NUP43: variants seen among roughly 807,000 people sequenced by gnomAD.
NUP43 encodes the protein nucleoporin Nup43.
A neutral mutation model predicts 47.3 loss-of-function variants in NUP43; 32 were observed. The ratio of observed to expected loss-of-function variants is 0.68; its 90% CI spans 0.51 to 0.91. NUP43 has a LOEUF of 0.91. Ranked by LOEUF, NUP43 falls within the 40% of genes least tolerant of loss-of-function variation. The probability of loss-of-function intolerance (pLI) is 0.00; values close to 1 mark genes in which losing one functional copy is unlikely to be tolerated. For missense variants in NUP43, 444 were observed against 453.9 expected (o/e 0.98, Z 0.20); for synonymous variants, 147 against 158.4 (o/e 0.93, Z 0.54).
In NUP43 at chr6:149,743,834, T is replaced by A. The variant is rs867822251; in HGVS notation, c.244-119A>T. On this transcript the variant is annotated intron_variant, in intron 2 of 7. Coordinates refer to ENST00000340413, the MANE Select transcript of NUP43 (RefSeq NM_198887.3). ...AACAATTTTAAAAAGCAAAGAGCCATGAGTGCTAAGGAAATAAAATGTGTT... is the reference window on the plus strand; with the variant it reads ...AACAATTTTAAAAAGCAAAGAGCCAAGAGTGCTAAGGAAATAAAATGTGTT... The A allele has an allele frequency of 1.5e-5, 9 of 602,990 alleles. No homozygotes were observed. The East Asian group carries it at 2.3e-4, about 15-fold the overall frequency. 37.4% of individuals were successfully genotyped at this position (602,990 alleles called of 1,614,324 possible).
intron 6 of NUP43, among the ~76,000 whole-genome samples, chr6:149,735,464 G>A (rs534906019): frequency 3.3e-5 from 5 of 151,762 alleles, no homozygotes; most frequent in African/African-American, 1.2e-4. Flanking sequence ...AAGTACATAA[G>A]GCTGGGCATG....
chr6:149,743,346 TC>T (rs1785769902), intron 3 of NUP43, among the ~76,000 whole-genome samples: 1 of 152,100 alleles, frequency 6.6e-6, no homozygotes, highest in African/African-American at 2.4e-5. Context: ...ACACCTGTAA[TC>T]CCAGCACTTT....
chr6:149,748,074 G>C (rs958977462), upstream of NUP43, among the ~76,000 whole-genome samples: 2 of 152,228 alleles, frequency 1.3e-5, no homozygotes, highest in Non-Finnish European at 2.9e-5. Context: ...CCAGCACTTT[G>C]GGAGGCCAAG....
intron 3 of NUP43, among the ~76,000 whole-genome samples, chr6:149,743,157 CAGAG>C (rs1013816895): frequency 2.0e-5 from 3 of 148,056 alleles, no homozygotes; most frequent in Admixed American, 6.8e-5. Flanking sequence ...GCCTGGGTGA[CAGAG>C]AGAGACTCTG....
chr6:149,727,787 A>C (rs1458822602), intron 7 of NUP43: 7 of 983,920 alleles, frequency 7.1e-6, no homozygotes, highest in Non-Finnish European at 8.4e-6. Flanking sequence ...TTTTATCTCT[A>C]ACAGCGCACT....
chr6:149,747,450 ATTTT>A (rs774011395), upstream of NUP43, among the ~76,000 whole-genome samples: 3 of 136,456 alleles, frequency 2.2e-5, no homozygotes, highest in Non-Finnish European at 1.6e-5. Context: ...TGCCTGGCTA[ATTTT>A]TTTTTTTTTT....
In NUP43 at chr6:149,746,044, A is replaced by G; in HGVS notation, c.139T>C (p.Trp47Arg). 6.2e-7 allele frequency: 1 copy of G among 1,613,472 alleles called. No homozygotes were observed. The highest frequency in any genetic ancestry group is 8.5e-7 in the Non-Finnish European group (1 of 1,179,844). The change falls in exon 2 of 8, where the codon TGG becomes CGG. Residue 47 changes from tryptophan (W) to arginine (R), a missense_variant. Trp to Arg is a moderately radical substitution (Grantham distance 101). Transcript: ENST00000340413. ...WDNEENYISLWSIGDFGNLDS... is the reference protein window; with the variant it reads ...WDNEENYISLRSIGDFGNLDS... ...AAGTTTCCAAAATCTCCAATAGACC[A>G]CAGTGAAATATAATTTTCCTGTAAA... is the stretch of plus-strand genomic sequence containing the variant.
At chr6:149,745,886 A>T in intron 2 of NUP43, 54 bp downstream of exon 2, 1 of 1,502,686 alleles carries the variant, frequency 6.7e-7, no homozygotes, top group Non-Finnish European at 9.0e-7. Flanking sequence ...CTGCTTGTTT[A>T]AATGTATTAC....
At chr6:149,745,169 G>A (rs138106616) in intron 2 of NUP43, among the ~76,000 whole-genome samples, 1 of 151,878 alleles carries the variant, frequency 6.6e-6, no homozygotes, top group African/African-American at 2.4e-5. Flanking sequence ...GGGAGGCCGA[G>A]GCAGGCAAAT....
At chr6:149,744,760 C>T (rs1294014902) in intron 2 of NUP43, among the ~76,000 whole-genome samples, 3 of 151,246 alleles carry the variant, frequency 2.0e-5, no homozygotes, top group Non-Finnish European at 4.4e-5. Flanking sequence ...TGCTTGAACC[C>T]AGGAGGCAGA....
chr6:149,731,480 T>C, intron 7 of NUP43, 133 bp downstream of exon 7: 1 of 706,398 alleles, frequency 1.4e-6, no homozygotes, highest in Non-Finnish European at 2.2e-6. Context: ...CGAGAATCGC[T>C]TGAACCCAGG....
intron 6 of NUP43, 27 bp from the exon 7 acceptor site, chr6:149,731,762 T>C (rs562445150): frequency 1.9e-6 from 3 of 1,609,678 alleles, no homozygotes; most frequent in East Asian, 2.2e-5. Flanking sequence ...AATAAGCTCA[T>C]TCCTGTGCAG....
At chr6:149,747,810 C>T (rs1185419377), upstream of NUP43, among the ~76,000 whole-genome samples, 3 of 152,146 alleles carry the variant, frequency 2.0e-5, no homozygotes, top group Non-Finnish European at 4.4e-5. Flanking sequence ...ATTGGTAGTC[C>T]TACTTCACAG....
chr6:149,741,644 T>C (rs1358500354), intron 4 of NUP43, among the ~76,000 whole-genome samples: 6 of 151,900 alleles, frequency 3.9e-5, no homozygotes, highest in Non-Finnish European at 8.8e-5. Context: ...TAGCTGGGAC[T>C]ACAGATGCAC....
At chr6:149,728,360 G>C in intron 7 of NUP43, 1 of 984,868 alleles carries the variant, frequency 1.0e-6, no homozygotes, top group Non-Finnish European at 1.2e-6. Context: ...GAGGAAGGAA[G>C]TAAAAACGAA....
chr6:149,736,559 A>G lies in NUP43; in HGVS notation c.702T>C (p.Ala234=), dbSNP rs1299008687. The G allele has an allele frequency of 1.2e-6, 2 of 1,611,716 alleles. No homozygotes were observed. The highest frequency in any genetic ancestry group is 1.7e-6 in the Non-Finnish European group (2 of 1,177,964). Residue 234 remains alanine (A), a synonymous_variant, in exon 6 of 8, where the codon GCT becomes GCC. Coordinates refer to ENST00000340413, the MANE Select transcript of NUP43 (RefSeq NM_198887.3). ...DRHPNQQHVV[A]TGGQDGMLSI... ...TCAACATTCCATCTTGGCCACCAGT[A>G]GCTACAACATGCTGTTGGTTGGGAT...
rs772935610 is a variant in NUP43, at chr6:149,731,614, T to C, written c.912A>G (p.Gln304=). 6.2e-6 allele frequency: 10 copies of C among 1,610,578 alleles called. No homozygotes were observed. The highest frequency in any genetic ancestry group is 1.7e-5 in the Admixed American group (1 of 59,288). ...DVPEKSSLFH[Q]GGRSSTFLSH... ...ACAGTATTCATTAAAAAGTTTTACC[T>C]TGGTGAAAGAGTGACGACTTTTCAG... is the stretch of plus-strand genomic sequence containing the variant. Residue 304 remains glutamine (Q), a splice_region_variant and synonymous_variant, in exon 7 of 8, where the codon CAA becomes CAG. Transcript: ENST00000340413.
chr6:149,747,691 T>C (rs1402714648), upstream of NUP43, among the ~76,000 whole-genome samples: 1 of 152,206 alleles, frequency 6.6e-6, no homozygotes, highest in African/African-American at 2.4e-5. Flanking sequence ...ACAAGAGATA[T>C]GACTTATTCA....
At chr6:149,738,998 C>CTTTTTTTT (rs545839293) in intron 4 of NUP43, among the ~76,000 whole-genome samples, 1 of 141,480 alleles carries the variant, frequency 7.1e-6, no homozygotes, top group African/African-American at 2.6e-5. Context: ...TTTTCTGTTT[C>CTTTTTTTT]TTTTTTTTTT....
Sources: gnomAD v4.1 joint callset for allele counts (sites outside exome capture counted in the v4.1 genomes callset) on GRCh38, gnomAD v4.1.1 for gene constraint, MANE v1.5 for transcripts, NCBI Gene and HGNC (gene_info 2026-07-23, HGNC 2026-07-21) for gene names.